The following MGMT variants were observed in gnomAD, a reference collection of about 807,000 sequenced individuals.
MGMT encodes the protein O-6-methylguanine-DNA methyltransferase.
MGMT carries 14 observed loss-of-function variants against 15.9 expected under a neutral mutation model. The ratio of observed to expected loss-of-function variants is 0.88; its 90% CI spans 0.58 to 1.37. The LOEUF is 1.37. MGMT is among the 40% of genes most tolerant of loss of function. MGMT has a pLI of 0.00. For synonymous variants in MGMT, 130 were observed against 118.2 expected (o/e 1.10, Z -0.65); for missense variants, 282 against 268.1 (o/e 1.05, Z -0.36).
chr10:129,558,525 T>TTGCC (rs1328615826), intron 2 of MGMT, among the ~76,000 whole-genome samples: 1 of 152,182 alleles, frequency 6.6e-6, no homozygotes, highest in African/African-American at 2.4e-5. Flanking sequence ...GGGGGCCAGT[T>TTGCC]TGCCTGGTGG....
At chr10:129,478,001 A>G (rs1254405022) in intron 1 of MGMT, among the ~76,000 whole-genome samples, 1 of 152,198 alleles carries the variant, frequency 6.6e-6, no homozygotes, top group Non-Finnish European at 1.5e-5. Flanking sequence ...TTTCATGACC[A>G]GAAACATCAG....
In MGMT at chr10:129,484,833, C is replaced by T. The variant is rs1268994913; in HGVS notation, c.-13+17537C>T. 2.0e-5 allele frequency among the ~76,000 whole-genome samples: 3 copies of T among 151,860 alleles called. No homozygotes were observed. The South Asian group carries it at 6.2e-4, about 32-fold the overall frequency. ...AGGTTTTGTTAGGGCAGGTCCAGAC[C>T]AGGTTTTAGTCCAGGGATAGTTTAG... On this transcript the variant is annotated intron_variant, in intron 1 of 4. Coordinates refer to ENST00000651593, the MANE Select transcript of MGMT (RefSeq NM_002412.5).
intron 3 of MGMT, among the ~76,000 whole-genome samples, chr10:129,732,558 T>TA (rs1848512578): frequency 6.6e-6 from 1 of 151,802 alleles, no homozygotes. Context: ...GCATTTTTTT[T>TA]AATTTATTAT....
intron 2 of MGMT, among the ~76,000 whole-genome samples, chr10:129,589,303 G>A (rs1057202802): frequency 6.6e-6 from 1 of 152,192 alleles, no homozygotes; most frequent in African/African-American, 2.4e-5. Flanking sequence ...GGCTGGGGTG[G>A]GGACAAAGTG....
At chr10:129,615,302 A>T (rs1267286643) in intron 2 of MGMT, among the ~76,000 whole-genome samples, 2 of 152,136 alleles carry the variant, frequency 1.3e-5, no homozygotes, top group Non-Finnish European at 2.9e-5. Context: ...GCTTGGGCAG[A>T]CGCCTCCCTG....
In MGMT at chr10:129,620,895, G is replaced by A. The variant is rs530500113; in HGVS notation, c.125+84518G>A. 2.6e-4 allele frequency among the ~76,000 whole-genome samples: 39 copies of A among 151,944 alleles called. No homozygotes were observed. The South Asian group carries it at 2.7e-3, about 11-fold the overall frequency. ...TTTCCTAATTCCCTGCCTTCTTTTG[G>A]ATTGAATCCTTTTTTGATTTCATTT... On this transcript the variant is annotated intron_variant, in intron 2 of 4. Transcript: ENST00000651593.
At position 129,659,702 on chromosome 10, in the gene MGMT, C is replaced by T. The variant is rs1847574108; in HGVS notation, c.126-48193C>T. On this transcript the variant is annotated intron_variant, in intron 2 of 4. Coordinates refer to ENST00000651593, the MANE Select transcript of MGMT (RefSeq NM_002412.5). This position sits in a 1 kb window ranked among gnomAD's most constrained non-coding sequence, Gnocchi z 4.1. ...CCCGAAAATATTCCATGAGTAGCTGCCAGGAGAGCTTTTCTGGAACAGTAT... is the reference window on the plus strand; with the variant it reads ...CCCGAAAATATTCCATGAGTAGCTGTCAGGAGAGCTTTTCTGGAACAGTAT... Among the ~76,000 whole-genome samples, 1 of 152,142 alleles carries T rather than the reference C, an allele frequency of 6.6e-6. No homozygotes were observed. Among genetic ancestry groups the T allele is most frequent in the Non-Finnish European group, 1.5e-5 (1 of 68,032 alleles).
At chr10:129,476,033 T>C (rs1318039960) in intron 1 of MGMT, among the ~76,000 whole-genome samples, 1 of 152,236 alleles carries the variant, frequency 6.6e-6, no homozygotes, top group Admixed American at 6.5e-5. Context: ...GGGTGGTCCC[T>C]GCCTCCCTCG....
chr10:129,613,108 G>A (rs959944113), intron 2 of MGMT, among the ~76,000 whole-genome samples: 78 of 152,158 alleles, frequency 5.1e-4, no homozygotes, highest in Non-Finnish European at 2.6e-4. Context: ...AAGCTGTATT[G>A]GAATATCAGG....
chr10:129,476,172 A>G (rs1243468592), intron 1 of MGMT, among the ~76,000 whole-genome samples: 1 of 152,120 alleles, frequency 6.6e-6, no homozygotes, highest in South Asian at 2.1e-4. Flanking sequence ...GCATGGGCTT[A>G]TAAGCCTTCC....
chr10:129,624,377 C>T (rs1039598574), intron 2 of MGMT, among the ~76,000 whole-genome samples: 4 of 152,176 alleles, frequency 2.6e-5, no homozygotes, highest in South Asian at 2.1e-4. Flanking sequence ...TGTTGGACCC[C>T]GGGCCGTGTG....
intron 2 of MGMT, among the ~76,000 whole-genome samples, chr10:129,670,344 T>C (rs1847708043): frequency 6.6e-6 from 1 of 152,188 alleles, no homozygotes; most frequent in Non-Finnish European, 1.5e-5. Flanking sequence ...TGTACCGAAG[T>C]AGTACTTTCT....
chr10:129,483,481 T>G (rs1431683052), intron 1 of MGMT, among the ~76,000 whole-genome samples: 1 of 152,154 alleles, frequency 6.6e-6, no homozygotes, highest in Non-Finnish European at 1.5e-5. Flanking sequence ...TTTGTTTTTG[T>G]TTTTTGAAAA....
At chr10:129,541,305 C>G (rs929580451) in intron 2 of MGMT, among the ~76,000 whole-genome samples, 15 of 152,242 alleles carry the variant, frequency 9.9e-5, no homozygotes, top group Admixed American at 6.5e-5. Flanking sequence ...AGTTTCATAA[C>G]TGCCTGACAG....
At chr10:129,510,122 C>G (rs1353957452) in intron 1 of MGMT, among the ~76,000 whole-genome samples, 2 of 152,126 alleles carry the variant, frequency 1.3e-5, no homozygotes, top group Non-Finnish European at 2.9e-5. Context: ...ACACCAGTAC[C>G]AGGACTCCAG....
intron 2 of MGMT, among the ~76,000 whole-genome samples, chr10:129,541,989 T>A (rs1490448359): frequency 6.6e-6 from 1 of 152,178 alleles, no homozygotes; most frequent in African/African-American, 2.4e-5. Context: ...CCAGCTAGGC[T>A]GGCCTGACCC....
chr10:129,665,562 G>A (rs886693598), intron 2 of MGMT, among the ~76,000 whole-genome samples: 5 of 152,074 alleles, frequency 3.3e-5, no homozygotes, highest in African/African-American at 1.2e-4. Context: ...GACTGACTGT[G>A]GGAGGCAAAA....
intron 2 of MGMT, among the ~76,000 whole-genome samples, chr10:129,647,237 T>C (rs1188143964): frequency 6.6e-6 from 1 of 152,040 alleles, no homozygotes; most frequent in Non-Finnish European, 1.5e-5. Flanking sequence ...CGCCCAGCGT[T>C]ACAGGCAGCT....
intron 2 of MGMT, among the ~76,000 whole-genome samples, chr10:129,660,630 A>G (rs953139155): frequency 6.6e-6 from 1 of 152,124 alleles, no homozygotes; most frequent in Non-Finnish European, 1.5e-5. Flanking sequence ...AATTGATTCC[A>G]TCTTTCTCTC....
Sources: allele counts gnomAD v4.1 joint callset (sites outside exome capture counted in the v4.1 genomes callset), GRCh38; gene constraint gnomAD v4.1.1; non-coding constraint Gnocchi (gnomAD v3.1); transcripts MANE v1.5; gene names NCBI Gene and HGNC (gene_info 2026-07-23, HGNC 2026-07-21).